The following VPS37A variants were observed in gnomAD, a reference collection of about 807,000 sequenced individuals.
The protein encoded by VPS37A is VPS37A subunit of ESCRT-I.
Under a neutral mutation model 49.8 loss-of-function variants are expected in VPS37A, and 30 were observed. The ratio of observed to expected loss-of-function variants is 0.60; its 90% confidence interval spans 0.45 to 0.82. The LOEUF (loss-of-function observed/expected upper bound fraction) is 0.82, where lower values mean the gene tolerates loss of function less well. Ranked by LOEUF, VPS37A falls within the 40% of genes least tolerant of loss-of-function variation. The pLI is 0.00. For synonymous variants in VPS37A, 195 were observed against 160.6 expected (o/e 1.21, Z -1.62); for missense variants, 593 against 464.4 (o/e 1.28, Z -2.55).
chr8:17,292,003 C>T (rs1348557713), intron 11 of VPS37A, among the ~76,000 whole-genome samples: 1 of 152,158 alleles, frequency 6.6e-6, no homozygotes, highest in Non-Finnish European at 1.5e-5. Context: ...TGGTCCAGAA[C>T]TCAGTTCAAG....
At chr8:17,314,198 A>G in the VPS37A span, among the ~76,000 whole-genome samples, 4 of 152,244 alleles carry the variant, frequency 2.6e-5, no homozygotes, top group Non-Finnish European at 5.9e-5. Context: ...ACGGCAATCC[A>G]AAGTGGAGGT....
At chr8:17,311,728 G>A in the VPS37A span, 91 of 1,570,504 alleles carry the variant, frequency 5.8e-5, 1 homozygote, top group South Asian at 1.0e-3. Flanking sequence ...TATATTTACA[G>A]AAAGAAACAG....
At chr8:17,310,038 C>T in the VPS37A span, among the ~76,000 whole-genome samples, 1 of 152,090 alleles carries the variant, frequency 6.6e-6, no homozygotes, top group Admixed American at 6.6e-5. Flanking sequence ...TCTCACTCAG[C>T]CACGTAGGCT....
chr8:17,331,083 T>C, the VPS37A span: 7 of 1,544,922 alleles, frequency 4.5e-6, no homozygotes, highest in Non-Finnish European at 6.1e-6. Context: ...ATCAAGACTA[T>C]CTTATTCCCT....
rs151032928 is a variant in VPS37A, at chr8:17,255,463, G to A, written c.125+8094G>A. Among the ~76,000 whole-genome samples the A allele has an allele frequency of 5.6e-3, 858 of 151,962 alleles. 11 individuals are homozygous for A. The highest frequency in any genetic ancestry group is 9.3e-3 in the Admixed American group (142 of 15,254). On this transcript the variant is annotated intron_variant, in intron 1 of 11. Transcript: ENST00000324849. ...GACATTGCACTCCAGCCTGGGCAAC[G>A]AGAGTGAGACTTCGTCTTAAATATA... is the stretch of plus-strand genomic sequence containing the variant.
chr8:17,321,290 T>TGCCAGAGAGAATGTCCC, the VPS37A span, among the ~76,000 whole-genome samples: 1 of 152,242 alleles, frequency 6.6e-6, no homozygotes, highest in South Asian at 2.1e-4. Flanking sequence ...TAGAATGTCC[T>TGCCAGAGAGAATGTCCC]GCCAGAGAGA....
the VPS37A span, among the ~76,000 whole-genome samples, chr8:17,330,900 C>T: frequency 1.3e-5 from 2 of 152,190 alleles, no homozygotes; most frequent in East Asian, 1.9e-4. Context: ...TCCCTGTGCA[C>T]TTTGACCTTA....
At chr8:17,331,383 T>A in the VPS37A span, 1 of 1,279,220 alleles carries the variant, frequency 7.8e-7, no homozygotes. Context: ...GCATTCAGAA[T>A]GATGTACGGA....
intron 11 of VPS37A, among the ~76,000 whole-genome samples, chr8:17,287,231 G>C (rs1430437257): frequency 2.6e-5 from 4 of 152,108 alleles, no homozygotes; most frequent in African/African-American, 4.8e-5. Context: ...TTATTTGATA[G>C]GACAGGGATT....
chr8:17,299,894 C>T (rs1563309289), downstream of VPS37A: 1 of 1,614,124 alleles, frequency 6.2e-7, no homozygotes, highest in Non-Finnish European at 8.5e-7. Flanking sequence ...TCATCAGAAT[C>T]CCGGTCCTTG....
intron 9 of VPS37A, among the ~76,000 whole-genome samples, chr8:17,281,951 A>G (rs1327112179): frequency 6.6e-6 from 1 of 152,084 alleles, no homozygotes; most frequent in Non-Finnish European, 1.5e-5. Flanking sequence ...ATCCATTATT[A>G]AAAAGATTTC....
intron 4 of VPS37A, among the ~76,000 whole-genome samples, chr8:17,273,978 T>A (rs1814260168): frequency 6.6e-6 from 1 of 152,194 alleles, no homozygotes; most frequent in Admixed American, 6.5e-5. Context: ...CCATATAAAC[T>A]CACTGTATTA....
intron 11 of VPS37A, among the ~76,000 whole-genome samples, chr8:17,286,772 C>A (rs1055941981): frequency 6.6e-5 from 10 of 152,094 alleles, no homozygotes; most frequent in African/African-American, 2.4e-4. Context: ...TTTGTCATTT[C>A]TTCCTTTAAA....
At chr8:17,292,634 A>G (rs940358720) in intron 11 of VPS37A, among the ~76,000 whole-genome samples, 1 of 152,044 alleles carries the variant, frequency 6.6e-6, no homozygotes, top group Non-Finnish European at 1.5e-5. Context: ...TTCCTTCAGG[A>G]GCTCTTGTAA....
Position 17,280,313 on chromosome 8 carries a change from T to G in VPS37A, c.900+16T>G. ...TTTAGATAAGGTGAGTTAGTGATAA[T>G]TTTGAAGAAATTTACATAATTTAAA... On this transcript the variant is annotated intron_variant, in intron 8 of 11. Transcript: ENST00000324849. 6.2e-7 allele frequency: 1 copy of G among 1,608,692 alleles called. No homozygotes were observed. The highest frequency in any genetic ancestry group is 8.5e-7 in the Non-Finnish European group (1 of 1,177,996).
the VPS37A span, among the ~76,000 whole-genome samples, chr8:17,322,986 C>T: frequency 1.5e-5 from 2 of 130,164 alleles, no homozygotes; most frequent in African/African-American, 3.0e-5. Context: ...CTTGCTCTGT[C>T]GCCCAGGCTG....
downstream of VPS37A, among the ~76,000 whole-genome samples, chr8:17,301,385 G>A (rs750785658): frequency 6.6e-6 from 1 of 152,198 alleles, no homozygotes; most frequent in Non-Finnish European, 1.5e-5. Flanking sequence ...GGACATTCTG[G>A]TGATAGCTAG....
In VPS37A at chr8:17,247,462, A is replaced by C. The variant is rs1237042253; in HGVS notation, c.125+93A>C. 2.0e-6 allele frequency: 3 copies of C among 1,475,132 alleles called. No individual in the cohort carries two copies. In the African/African-American group the frequency reaches 4.2e-5, roughly 21 times the overall value. 91.4% of individuals were successfully genotyped at this position (1,475,132 alleles called of 1,614,324 possible). Reference sequence around the variant, plus strand: ...CTCACAGCGCCTCAGTCTGCTCCCCACCAGCTCCTCATGTGGTTTACCTCC... The same window carrying C: ...CTCACAGCGCCTCAGTCTGCTCCCCCCCAGCTCCTCATGTGGTTTACCTCC... On this transcript the variant is annotated intron_variant, in intron 1 of 11. Coordinates refer to ENST00000324849, the MANE Select transcript of VPS37A (RefSeq NM_152415.3).
chr8:17,332,530 G>A, the VPS37A span, among the ~76,000 whole-genome samples: 28 of 152,192 alleles, frequency 1.8e-4, no homozygotes, highest in Admixed American at 3.9e-4. Flanking sequence ...TGAGGCTTAC[G>A]ATGGGGTTAT....
Sources: allele counts gnomAD v4.1 joint callset (sites outside exome capture counted in the v4.1 genomes callset), GRCh38; gene constraint gnomAD v4.1.1; transcripts MANE v1.5; gene names NCBI Gene and HGNC (gene_info 2026-07-23, HGNC 2026-07-21).